GLRA2: variants seen among roughly 807,000 people sequenced by gnomAD.
GLRA2 encodes the protein glycine receptor subunit alpha-2.
A neutral mutation model predicts 31.6 loss-of-function variants in GLRA2; 11 were observed. That is an observed-to-expected ratio of 0.35 (90% CI 0.22 to 0.58). GLRA2 has a LOEUF of 0.58. Among genes scored for constraint, GLRA2 ranks in the 20% least tolerant of loss-of-function variants. The pLI is 0.84. For missense variants in GLRA2, 212 were observed against 351.8 expected (o/e 0.60, Z 3.18); for synonymous variants, 132 against 134.0 (o/e 0.99, Z 0.10).
At chrX:14,521,230 G>T in the GLRA2 span, among the ~76,000 whole-genome samples, 1 of 112,382 alleles carries the variant, frequency 8.9e-6, no homozygotes, top group African/African-American at 3.2e-5. Context: ...TGTGAGGGAG[G>T]GTGTTTCCAG....
chrX:14,577,084 G>A (rs1336138487), intron 3 of GLRA2, among the ~76,000 whole-genome samples: 1 of 112,757 alleles, frequency 8.9e-6, no homozygotes, highest in East Asian at 2.8e-4. Context: ...TCTGTAAAAG[G>A]CCAGACAGTA....
At chrX:14,697,084 A>G (rs908249925) in intron 8 of GLRA2, among the ~76,000 whole-genome samples, 4 of 95,629 alleles carry the variant, frequency 4.2e-5, no homozygotes, top group South Asian at 4.6e-4. Flanking sequence ...AGTCTGAACC[A>G]TGGTTAGAAA....
chrX:14,671,703 A>T (rs1481968900), intron 7 of GLRA2, among the ~76,000 whole-genome samples: 1 of 112,464 alleles, frequency 8.9e-6, no homozygotes, highest in Non-Finnish European at 1.9e-5. Flanking sequence ...TGAGTTGCTG[A>T]GGGTTTATGT....
At chrX:14,684,874 G>A (rs1234640853) in intron 7 of GLRA2, among the ~76,000 whole-genome samples, 1 of 110,991 alleles carries the variant, frequency 9.0e-6, no homozygotes, top group African/African-American at 3.3e-5. Context: ...TGGTGAGAGA[G>A]GGCATCCCTG....
At chrX:14,494,636 C>G in the GLRA2 span, among the ~76,000 whole-genome samples, 1 of 111,335 alleles carries the variant, frequency 9.0e-6, no homozygotes, top group African/African-American at 3.3e-5. Flanking sequence ...TTTCCTACGA[C>G]TAGGGACTTT....
the GLRA2 span, among the ~76,000 whole-genome samples, chrX:14,452,223 A>T: frequency 8.9e-6 from 1 of 111,940 alleles, no homozygotes; most frequent in Non-Finnish European, 1.9e-5. Context: ...AGAACCACTC[A>T]CTCAAAATAT....
At chrX:14,516,049 C>G in the GLRA2 span, among the ~76,000 whole-genome samples, 1 of 111,890 alleles carries the variant, frequency 8.9e-6, no homozygotes, top group Non-Finnish European at 1.9e-5. Context: ...TTCCCTTGTT[C>G]ACAAACTCTC....
intron 2 of GLRA2, among the ~76,000 whole-genome samples, chrX:14,544,909 T>C (rs775116713): frequency 1.1e-3 from 117 of 111,424 alleles, no homozygotes; most frequent in Non-Finnish European, 1.9e-3. Context: ...CAATCCAAGC[T>C]CTTAGGAAGA....
chrX:14,686,405 A>T (rs976479969), intron 7 of GLRA2, among the ~76,000 whole-genome samples: 3 of 110,955 alleles, frequency 2.7e-5, no homozygotes, highest in Non-Finnish European at 3.8e-5. Flanking sequence ...TCTAATGTTG[A>T]TAGTGGGGTG....
At position 14,575,101 on chromosome X, in the gene GLRA2, A is replaced by C. The variant is rs968827910; in HGVS notation, c.270+701A>C. On this transcript the variant is annotated intron_variant, in intron 3 of 8. Transcript: ENST00000218075. ...ATGAATGCCTTTTCCAAAAAAAAAA[A>C]CCCCTAAACTTAAAGCTAATTAGAA... Among the ~76,000 whole-genome samples the C allele has an allele frequency of 3.6e-5, 4 of 110,616 alleles. No homozygotes were observed. In the South Asian group the frequency reaches 1.1e-3, roughly 31 times the overall value.
intron 7 of GLRA2, 62 bp from the exon 8 acceptor site, chrX:14,690,648 A>C: frequency 2.4e-6 from 2 of 823,750 alleles, no homozygotes; most frequent in Non-Finnish European, 3.6e-6. Context: ...GCAGGCTTTC[A>C]TAGTCTTTCT....
chrX:14,478,522 T>C, the GLRA2 span, among the ~76,000 whole-genome samples: 1 of 112,172 alleles, frequency 8.9e-6, no homozygotes, highest in East Asian at 2.8e-4. Flanking sequence ...CATACAATGT[T>C]ACATTTTTAT....
chrX:14,624,007 T>C, intron 7 of GLRA2, among the ~76,000 whole-genome samples: 1 of 110,733 alleles, frequency 9.0e-6, no homozygotes, highest in East Asian at 2.9e-4. Context: ...TAGGCTATCA[T>C]TGCCTCGATT....
intron 8 of GLRA2, among the ~76,000 whole-genome samples, chrX:14,720,742 T>C (rs2091853744): frequency 8.9e-6 from 1 of 112,156 alleles, no homozygotes; most frequent in African/African-American, 3.2e-5. Flanking sequence ...CTTTTTAGTC[T>C]ATTTATTGTC....
At chrX:14,681,905 A>AT (rs2147169030) in intron 7 of GLRA2, among the ~76,000 whole-genome samples, 9 of 80,758 alleles carry the variant, frequency 1.1e-4, no homozygotes, top group African/African-American at 3.4e-4. Flanking sequence ...AAAAAAAAAA[A>AT]AAAAAATATA....
At chrX:14,672,736 G>A (rs913169358) in intron 7 of GLRA2, among the ~76,000 whole-genome samples, 1 of 111,986 alleles carries the variant, frequency 8.9e-6, no homozygotes, top group Admixed American at 9.5e-5. Flanking sequence ...ACAAACCTTT[G>A]ACTGACCTGT....
chrX:14,669,636 C>A (rs868085852), intron 7 of GLRA2, among the ~76,000 whole-genome samples: 13 of 112,191 alleles, frequency 1.2e-4, no homozygotes, highest in African/African-American at 3.9e-4. Context: ...CCCTCTGAAG[C>A]CACAGCCTGA....
the GLRA2 span, among the ~76,000 whole-genome samples, chrX:14,495,518 C>T: frequency 2.8e-5 from 3 of 109,017 alleles, no homozygotes; most frequent in Admixed American, 9.9e-5. Flanking sequence ...CTATCAATTA[C>T]GTTGATTGAG....
chrX:14,677,859 C>A (rs192930138), intron 7 of GLRA2, among the ~76,000 whole-genome samples: 20 of 111,121 alleles, frequency 1.8e-4, no homozygotes. Flanking sequence ...GATATAGTTA[C>A]CTCGGTTTTT....
Sources: allele counts gnomAD v4.1 joint callset (sites outside exome capture counted in the v4.1 genomes callset), GRCh38; gene constraint gnomAD v4.1.1; transcripts MANE v1.5; gene names NCBI Gene and HGNC (gene_info 2026-07-23, HGNC 2026-07-21).